SULF2: variants seen among roughly 807,000 people sequenced by gnomAD.
SULF2 encodes the protein extracellular sulfatase Sulf-2.
A neutral mutation model predicts 107.7 loss-of-function variants in SULF2; 52 were observed. The ratio of observed to expected loss-of-function variants is 0.48; its 90% confidence interval spans 0.39 to 0.61. SULF2 has a LOEUF of 0.61. Among genes scored for constraint, SULF2 ranks in the 20% least tolerant of loss-of-function variants. The pLI, the probability that SULF2 is intolerant of heterozygous loss-of-function variation, is 0.00. For synonymous variants in SULF2, 460 were observed against 464.3 expected (o/e 0.99, Z 0.12); for missense variants, 993 against 1,177.3 (o/e 0.84, Z 2.29).
intron 3 of SULF2, among the ~76,000 whole-genome samples, chr20:47,726,151 T>G (rs1373689449): frequency 6.6e-6 from 1 of 152,178 alleles, no homozygotes; most frequent in Non-Finnish European, 1.5e-5. Flanking sequence ...TATTGCCCCT[T>G]CTCAGTGCTG....
intron 10 of SULF2, among the ~76,000 whole-genome samples, chr20:47,675,562 A>C (rs896332971): frequency 6.6e-6 from 1 of 152,174 alleles, no homozygotes; most frequent in East Asian, 1.9e-4. Context: ...TCAGAAACGC[A>C]TCCACTTCAG....
At chr20:47,773,170 C>T (rs561006367) in intron 1 of SULF2, among the ~76,000 whole-genome samples, 1 of 152,334 alleles carries the variant, frequency 6.6e-6, no homozygotes, top group East Asian at 1.9e-4. Context: ...TACTATGTGC[C>T]ACATGCTAAG....
intron 3 of SULF2, among the ~76,000 whole-genome samples, chr20:47,714,708 A>G (rs1003939690): frequency 2.6e-5 from 4 of 152,100 alleles, no homozygotes; most frequent in African/African-American, 9.7e-5. Flanking sequence ...ACAAAGTCCT[A>G]TAACTGTCTC....
intron 9 of SULF2, 92 bp from the exon 10 acceptor site, chr20:47,676,715 C>A: frequency 1.4e-6 from 2 of 1,477,982 alleles, no homozygotes; most frequent in Non-Finnish European, 9.0e-7. Context: ...GGTGCCCCCT[C>A]GGCTCCGGCT....
rs779712340 is a variant in SULF2, at chr20:47,676,469, T to C, written c.1380+25A>G. The C allele has an allele frequency of 1.4e-5, 22 of 1,601,182 alleles. No individual in the cohort carries two copies. In the South Asian group the frequency reaches 2.0e-4, roughly 15 times the overall value. ...CGGCTGCAGTCAGGAGGGGGAGCCGTTGGGAGGGAAGGGAGCCTTCTTACC... is the reference window on the plus strand; with the variant it reads ...CGGCTGCAGTCAGGAGGGGGAGCCGCTGGGAGGGAAGGGAGCCTTCTTACC... On this transcript the variant is annotated intron_variant, in intron 10 of 20. Transcript: ENST00000688720.
chr20:47,775,165 C>A (rs1020868793), intron 1 of SULF2, among the ~76,000 whole-genome samples: 1 of 152,162 alleles, frequency 6.6e-6, no homozygotes, highest in Non-Finnish European at 1.5e-5. Flanking sequence ...GGCTTTGGGA[C>A]CTGTTTTGAC....
At chr20:47,695,089 C>T (rs1464002310) in intron 4 of SULF2, among the ~76,000 whole-genome samples, 1 of 152,186 alleles carries the variant, frequency 6.6e-6, no homozygotes, top group African/African-American at 2.4e-5. Flanking sequence ...CTGTAAAGGG[C>T]CAGACAGTAA....
intron 2 of SULF2, among the ~76,000 whole-genome samples, chr20:47,755,434 T>A (rs1489649873): frequency 6.6e-6 from 1 of 152,240 alleles, no homozygotes; most frequent in Non-Finnish European, 1.5e-5. Context: ...GAGACTTAGC[T>A]GGATCATGTT....
chr20:47,717,741 G>T (rs1044482694), intron 3 of SULF2, among the ~76,000 whole-genome samples: 1 of 152,174 alleles, frequency 6.6e-6, no homozygotes, highest in Non-Finnish European at 1.5e-5. Context: ...TGAAGCATAG[G>T]TGGGGGACAC....
chr20:47,690,094 G>A, intron 5 of SULF2, 32 bp downstream of exon 5: 1 of 1,384,008 alleles, frequency 7.2e-7, no homozygotes. Flanking sequence ...ATGCTAAGCA[G>A]TGCCTCTGGC....
intron 3 of SULF2, among the ~76,000 whole-genome samples, chr20:47,727,676 G>T (rs1451070702): frequency 6.6e-6 from 1 of 152,160 alleles, no homozygotes. Context: ...TCCTGGGTTT[G>T]TGGGCACAGG....
intron 2 of SULF2, among the ~76,000 whole-genome samples, chr20:47,748,091 G>A (rs1004958100): frequency 3.9e-5 from 6 of 152,174 alleles, no homozygotes; most frequent in African/African-American, 7.2e-5. Context: ...AGAACATTCT[G>A]GGGACCTTCC....
intron 3 of SULF2, among the ~76,000 whole-genome samples, chr20:47,731,210 T>TTTTTTTTTTTTTTTTTG (rs1491437167): frequency 2.0e-4 from 27 of 135,726 alleles, no homozygotes; most frequent in African/African-American, 8.0e-4. Context: ...TTTTTTTTTT[T>TTTTTTTTTTTTTTTTTG]GAGACAGAGT....
intron 11 of SULF2, 127 bp downstream of exon 11, chr20:47,672,071 G>C: frequency 9.9e-7 from 1 of 1,009,618 alleles, no homozygotes; most frequent in East Asian, 2.5e-5. Flanking sequence ...ATGTGGCTGT[G>C]TCCCCAGCCC....
At chr20:47,659,664 C>T (rs540232502) in intron 19 of SULF2, 33 bp downstream of exon 19, 2 of 1,594,588 alleles carry the variant, frequency 1.3e-6, no homozygotes, top group Non-Finnish European at 8.6e-7. Flanking sequence ...GATAGGAGAA[C>T]TTTGTTTAGG....
intron 2 of SULF2, among the ~76,000 whole-genome samples, chr20:47,746,230 G>A (rs568868180): frequency 3.9e-5 from 6 of 152,350 alleles, no homozygotes; most frequent in Middle Eastern, 3.4e-3. Context: ...CAAAGGTAAC[G>A]CTCTACTGGG....
chr20:47,676,657 C>T, intron 9 of SULF2, 34 bp from the exon 10 acceptor site: 2 of 1,546,792 alleles, frequency 1.3e-6, no homozygotes, highest in Admixed American at 2.0e-5. Flanking sequence ...GCGGGGCCGG[C>T]CTCTCAGCTC....
Position 47,663,473 on chromosome 20 carries a change from T to C in SULF2, c.2207A>G (p.Gln736Arg). The change falls in exon 16 of 21, where the codon CAG becomes CGG. Residue 736 changes from glutamine (Q) to arginine (R), a missense_variant. This residue lies in a region of SULF2 where 497 missense variants were observed against 544.1 expected (regional missense o/e 0.91). Transcript: ENST00000688720. Reference sequence around the variant, plus strand: ...CTCACGTGTCCAGAAAGGCGCCGTCTGCCAGTGCTGGTTGTCGTGGGTGAA... The same window carrying C: ...CTCACGTGTCCAGAAAGGCGCCGTCCGCCAGTGCTGGTTGTCGTGGGTGAA... ...TCFTHDNQHW[Q>R]TAPFWTLGPF... 1 of 1,610,240 alleles carries C rather than the reference T, an allele frequency of 6.2e-7. No individual in the cohort carries two copies. Among genetic ancestry groups the C allele is most frequent in the South Asian group, 1.1e-5 (1 of 91,088 alleles).
At position 47,678,367 on chromosome 20, in the gene SULF2, C is replaced by T; in HGVS notation, c.1193+309G>A. The T allele has an allele frequency of 3.3e-6, 1 of 307,134 alleles. No homozygotes were observed. The highest frequency in any genetic ancestry group is 6.3e-6 in the Non-Finnish European group (1 of 159,054). 19.0% of individuals were successfully genotyped at this position (307,134 alleles called of 1,614,324 possible). A position where few individuals can be genotyped will look rare whatever the true frequency, so the allele number is the denominator to read the frequency against. ...GCACAGTACTTAGAATAGGGCCTCA[C>T]ACACAAGCGCCGTGCAGTTAGCACC... On this transcript the variant is annotated intron_variant, in intron 8 of 20. Coordinates refer to ENST00000688720, the MANE Select transcript of SULF2 (RefSeq NM_001387048.1). This position sits in a 1 kb window ranked among gnomAD's most constrained non-coding sequence, Gnocchi z 4.5.
Sources: allele counts gnomAD v4.1 joint callset (sites outside exome capture counted in the v4.1 genomes callset), GRCh38; gene constraint gnomAD v4.1.1; regional missense constraint gnomAD v4.1.1; non-coding constraint Gnocchi (gnomAD v3.1); transcripts MANE v1.5; gene names NCBI Gene and HGNC (gene_info 2026-07-23, HGNC 2026-07-21).